EML1: variants seen among roughly 807,000 people sequenced by gnomAD.
EML1 encodes the protein EMAP like 1, also known as echinoderm microtubule-associated protein-like 1.
Under a neutral mutation model 110.4 loss-of-function variants are expected in EML1, and 27 were observed. That is an observed-to-expected ratio of 0.24 (90% CI 0.18 to 0.34). The LOEUF is 0.34. EML1 is among the 10% of genes least tolerant of loss of function. EML1 has a pLI of 1.00. For synonymous variants in EML1, 344 were observed against 385.8 expected, an observed-to-expected ratio of 0.89 and a Z score of 1.27; for missense variants, 741 against 1,030.9, an observed-to-expected ratio of 0.72 and a Z score of 3.85.
rs1379756992 is a variant in EML1 at position 99,941,327 on chromosome 14, G to A, written c.*1215G>A. On this transcript the variant is annotated 3_prime_UTR_variant, in exon 22 of 22. Transcript: ENST00000262233. ...ATATTAAGATTTTTACTCATTCAAG[G>A]CAAGTAAATGAATGGAATTATCTGA... 1.3e-5 allele frequency: 2 copies of A among 152,136 alleles called. No homozygotes were observed. Among genetic ancestry groups the A allele is most frequent in the Non-Finnish European group, 2.9e-5 (2 of 68,026 alleles). 9.4% of individuals were successfully genotyped at this position (152,136 alleles called of 1,614,324 possible).
At chr14:99,889,213 C>A (rs571239352) in intron 4 of EML1, among the ~76,000 whole-genome samples, 1 of 152,016 alleles carries the variant, frequency 6.6e-6, no homozygotes, top group African/African-American at 2.4e-5. Context: ...ACTCCATCTG[C>A]ACACCAAGCC....
At chr14:99,793,190 A>G (rs1418515230), upstream of EML1, 2 of 310,656 alleles carry the variant, frequency 6.4e-6, no homozygotes, top group African/African-American at 4.6e-5. Context: ...CCGCGGGGAA[A>G]GAGGCCGCAG....
intron 3 of EML1, among the ~76,000 whole-genome samples, chr14:99,872,335 C>T (rs112647772): frequency 0.021 from 3,225 of 152,178 alleles, 88 homozygotes; most frequent in African/African-American, 0.067. Context: ...AAGGAGTGAA[C>T]GAACACGTGA....
chr14:99,863,218 G>A (rs146687160), intron 2 of EML1, among the ~76,000 whole-genome samples: 4 of 152,310 alleles, frequency 2.6e-5, no homozygotes, highest in South Asian at 2.1e-4. Context: ...GTGCTGATGC[G>A]CAGTTCCTGT....
intron 4 of EML1, among the ~76,000 whole-genome samples, chr14:99,884,205 T>A (rs550459049): frequency 6.6e-6 from 1 of 152,308 alleles, no homozygotes; most frequent in East Asian, 1.9e-4. Flanking sequence ...CTGTTGGAGT[T>A]GAGGCCTGCA....
Position 99,828,366 on chromosome 14 carries a change from G to A in EML1, c.68-22487G>A, listed in dbSNP as rs76859944. 7.7e-3 allele frequency among the ~76,000 whole-genome samples: 1,169 copies of A among 152,192 alleles called. 16 individuals carry two copies. The highest frequency in any genetic ancestry group is 0.025 in the African/African-American group (1,045 of 41,490). On this transcript the variant is annotated intron_variant, in intron 1 of 21. Transcript: ENST00000262233. Reference sequence around the variant, plus strand: ...TGTCCCATGCACCCACACTGTAGACGCCCCTACCCATGAGTCACTTAATAG... The same window carrying A: ...TGTCCCATGCACCCACACTGTAGACACCCCTACCCATGAGTCACTTAATAG...
At chr14:99,923,624 G>A (rs11622975) in intron 17 of EML1, among the ~76,000 whole-genome samples, 51,472 of 117,292 alleles carry the variant, frequency 0.44, 11,952 homozygotes, top group Non-Finnish European at 0.54. Context: ...GTTTATTTCC[G>A]GATACTCAGT....
chr14:99,872,944 T>G (rs2059229939), intron 3 of EML1, among the ~76,000 whole-genome samples: 1 of 152,206 alleles, frequency 6.6e-6, no homozygotes, highest in African/African-American at 2.4e-5. Context: ...AAAATCCCCT[T>G]TGGAAATAGT....
intron 1 of EML1, among the ~76,000 whole-genome samples, chr14:99,746,051 G>A (rs551214516): frequency 5.9e-5 from 9 of 152,294 alleles, no homozygotes; most frequent in South Asian, 4.1e-4. Context: ...GAAAAATGGC[G>A]GCTCCCCCTC....
intron 1 of EML1, among the ~76,000 whole-genome samples, chr14:99,760,084 A>AAAC (rs998140239): frequency 7.9e-4 from 5 of 6,340 alleles, no homozygotes; most frequent in Non-Finnish European, 1.8e-3. Context: ...ACTCCCTCTC[A>AAAC]AAAAAAAAAA....
chr14:99,763,314 T>C (rs2057334363), intron 1 of EML1, among the ~76,000 whole-genome samples: 1 of 152,228 alleles, frequency 6.6e-6, no homozygotes, highest in African/African-American at 2.4e-5. Flanking sequence ...TGTATGTATG[T>C]GGTGTGTGCA....
chr14:99,861,723 C>T (rs1246475013), intron 2 of EML1, among the ~76,000 whole-genome samples: 6 of 152,162 alleles, frequency 3.9e-5, no homozygotes, highest in African/African-American at 1.4e-4. Flanking sequence ...CTCAGGTTAT[C>T]CACCTGCCTC....
intron 1 of EML1, among the ~76,000 whole-genome samples, chr14:99,829,852 C>G (rs866808322): frequency 6.6e-6 from 1 of 152,184 alleles, no homozygotes; most frequent in Non-Finnish European, 1.5e-5. Context: ...AAATAATATT[C>G]GATTATATGG....
At chr14:99,935,768 C>A (rs1435996290) in intron 17 of EML1, among the ~76,000 whole-genome samples, 1 of 118,636 alleles carries the variant, frequency 8.4e-6, no homozygotes, top group East Asian at 2.5e-4. Context: ...GGCGACAGAG[C>A]GAGACTCCGT....
In EML1 at chr14:99,941,133, T is replaced by C. The variant is rs2060582325; in HGVS notation, c.*1021T>C. ...CTGTCTTTTGTGCATGGGCGACCCA[T>C]TACAGTATGAGATAAGATTGAGTTC... On this transcript the variant is annotated 3_prime_UTR_variant, in exon 22 of 22. Transcript: ENST00000262233. 6.6e-6 allele frequency: 1 copy of C among 152,156 alleles called. No individual in the cohort carries two copies. 9.4% of individuals were successfully genotyped at this position (152,156 alleles called of 1,614,324 possible). A position where few individuals can be genotyped will look rare whatever the true frequency, so the allele number is the denominator to read the frequency against.
chr14:99,823,958 C>G (rs1016549230), intron 1 of EML1, among the ~76,000 whole-genome samples: 5 of 151,982 alleles, frequency 3.3e-5, no homozygotes, highest in Non-Finnish European at 7.4e-5. Flanking sequence ...CATCATCTCT[C>G]TCTCTTTTTT....
intron 1 of EML1, among the ~76,000 whole-genome samples, chr14:99,751,214 G>A (rs1486020865): frequency 1.3e-5 from 2 of 151,948 alleles, no homozygotes; most frequent in South Asian, 2.1e-4. Flanking sequence ...ACAAGCAGAC[G>A]GACAATGAGA....
intron 17 of EML1, among the ~76,000 whole-genome samples, chr14:99,921,298 AC>A (rs2060126692): frequency 6.6e-6 from 1 of 152,188 alleles, no homozygotes; most frequent in Admixed American, 6.5e-5. Context: ...TATATATACC[AC>A]ATTTTCTTCA....
Position 99,806,519 on chromosome 14 carries a change from T to C in EML1, c.67+12976T>C, listed in dbSNP as rs572568431. ...TTAGTAGAGATGAGGTTTCTCCATG[T>C]TGGTCAGGCTGGTCTCGAACTCCCA... On this transcript the variant is annotated intron_variant, in intron 1 of 21. Coordinates refer to ENST00000262233, the MANE Select transcript of EML1 (RefSeq NM_004434.3). Among the ~76,000 whole-genome samples, 31 of 152,170 alleles carry C rather than the reference T, an allele frequency of 2.0e-4. No individual in the cohort carries two copies. In the South Asian group the frequency reaches 6.4e-3, roughly 32 times the overall value.
Sources: gnomAD v4.1 joint callset for allele counts (sites outside exome capture counted in the v4.1 genomes callset) on GRCh38, gnomAD v4.1.1 for gene constraint, MANE v1.5 for transcripts, NCBI Gene and HGNC (gene_info 2026-07-23, HGNC 2026-07-21) for gene names.